The following FGF14 variants were observed in gnomAD, a reference collection of about 807,000 sequenced individuals.
FGF14 encodes the protein fibroblast growth factor 14.
Under a neutral mutation model 25.5 loss-of-function variants are expected in FGF14, and 5 were observed. The ratio of observed to expected loss-of-function variants is 0.20; its 90% CI spans 0.10 to 0.41. The LOEUF is 0.41. FGF14 is among the 10% of genes least tolerant of loss of function. The pLI, the probability that FGF14 is intolerant of heterozygous loss-of-function variation, is 1.00. For missense variants in FGF14, 222 were observed against 320.1 expected, an observed-to-expected ratio of 0.69 and a Z score of 2.34; for synonymous variants, 138 against 118.3, an observed-to-expected ratio of 1.17 and a Z score of -1.08.
At chr13:101,763,979 T>C (rs990435836) in intron 3 of FGF14, among the ~76,000 whole-genome samples, 2 of 152,116 alleles carry the variant, frequency 1.3e-5, no homozygotes, top group Admixed American at 6.5e-5. Context: ...CCTATATGTA[T>C]GCATTTCCTT....
chr13:102,395,502 A>C (rs1595053194), intron 1 of FGF14: 1 of 152,128 alleles, frequency 6.6e-6, no homozygotes, highest in Non-Finnish European at 1.5e-5. Flanking sequence ...GTTTCAGAGC[A>C]CCCTATCGTG....
At position 101,722,499 on chromosome 13, in the gene FGF14, G is replaced by A. The variant is rs1183304779; in HGVS notation, c.*332C>T. On this transcript the variant is annotated 3_prime_UTR_variant, in exon 5 of 5. Coordinates refer to ENST00000376143, the MANE Select transcript of FGF14 (RefSeq NM_004115.4). ...AAACAGGACTCAAAAAGGATTATGGGTAGCTGTCAGCAGGCAAGGTATCGA... is the reference window on the plus strand; with the variant it reads ...AAACAGGACTCAAAAAGGATTATGGATAGCTGTCAGCAGGCAAGGTATCGA... The A allele has an allele frequency of 2.7e-6, 1 of 374,258 alleles. No homozygotes were observed. The highest frequency in any genetic ancestry group is 5.1e-6 in the Non-Finnish European group (1 of 195,744). The allele number at this position is 374,258 out of a possible 1,614,324, so 23.2% of individuals were successfully genotyped here. A position where few individuals can be genotyped will look rare whatever the true frequency, so the allele number is the denominator to read the frequency against.
At chr13:102,011,087 C>T (rs1055030821) in intron 1 of FGF14, among the ~76,000 whole-genome samples, 2 of 152,132 alleles carry the variant, frequency 1.3e-5, no homozygotes, top group African/African-American at 2.4e-5. Flanking sequence ...GTCCCATCTC[C>T]ATGGGAACAA....
intron 4 of FGF14, among the ~76,000 whole-genome samples, chr13:101,725,186 C>T (rs2035329377): frequency 6.6e-6 from 1 of 151,944 alleles, no homozygotes; most frequent in East Asian, 1.9e-4. Context: ...CTTCTGTGGG[C>T]TTATTTTTTA....
At chr13:101,887,384 G>C (rs968639451) in intron 1 of FGF14, among the ~76,000 whole-genome samples, 5 of 150,664 alleles carry the variant, frequency 3.3e-5, no homozygotes, top group Admixed American at 1.3e-4. Flanking sequence ...ATATATAATG[G>C]AATTTATATA....
At chr13:102,313,824 T>C (rs2055889662) in intron 1 of FGF14, among the ~76,000 whole-genome samples, 1 of 152,152 alleles carries the variant, frequency 6.6e-6, no homozygotes, top group African/African-American at 2.4e-5. Context: ...ACAGTCCAAA[T>C]GGAAAGCAAC....
upstream of FGF14, among the ~76,000 whole-genome samples, chr13:101,919,989 T>C (rs1265720759): frequency 6.6e-6 from 1 of 152,174 alleles, no homozygotes; most frequent in African/African-American, 2.4e-5. Context: ...TTTTAAGGGA[T>C]CTTGGAGAGG....
chr13:102,386,267 G>A (rs1274802053), intron 1 of FGF14, among the ~76,000 whole-genome samples: 1 of 151,554 alleles, frequency 6.6e-6, no homozygotes, highest in Admixed American at 6.6e-5. Context: ...CAAGTGGCTG[G>A]GATTATAGGC....
chr13:102,332,835 T>G (rs1391327426), intron 1 of FGF14, among the ~76,000 whole-genome samples: 1 of 152,178 alleles, frequency 6.6e-6, no homozygotes, highest in Non-Finnish European at 1.5e-5. Context: ...GCATATATAT[T>G]TTAAGCATCA....
intron 1 of FGF14, among the ~76,000 whole-genome samples, chr13:101,976,435 T>C (rs9554835): frequency 0.33 from 50,744 of 152,066 alleles, 9,178 homozygotes; most frequent in East Asian, 0.71. Context: ...ATGGGCTGTG[T>C]GCTCCTATTG....
intron 1 of FGF14, among the ~76,000 whole-genome samples, chr13:102,140,902 A>G (rs2046617885): frequency 6.6e-6 from 1 of 152,260 alleles, no homozygotes; most frequent in Non-Finnish European, 1.5e-5. Context: ...GTATTGTGTT[A>G]CCAAATCCAA....
At chr13:102,208,911 G>A (rs1031435404) in intron 1 of FGF14, among the ~76,000 whole-genome samples, 2 of 152,052 alleles carry the variant, frequency 1.3e-5, no homozygotes, top group East Asian at 3.8e-4. Context: ...TATGAAATAG[G>A]CTCGTTGTAT....
chr13:102,302,374 T>C (rs145210981), intron 1 of FGF14, among the ~76,000 whole-genome samples: 2 of 152,244 alleles, frequency 1.3e-5, no homozygotes, highest in African/African-American at 4.8e-5. Context: ...ATCAGATGTT[T>C]TTCCAGGTTC....
chr13:102,126,905 T>G (rs898621163), intron 1 of FGF14, among the ~76,000 whole-genome samples: 8 of 152,290 alleles, frequency 5.3e-5, no homozygotes, highest in African/African-American at 1.9e-4. Flanking sequence ...TCTGTCTGTA[T>G]AAAATACCTA....
chr13:102,099,125 C>T (rs2044539781), intron 1 of FGF14, among the ~76,000 whole-genome samples: 1 of 152,098 alleles, frequency 6.6e-6, no homozygotes, highest in Non-Finnish European at 1.5e-5. Flanking sequence ...GCTCCCCATC[C>T]CTTCTCAGCT....
At chr13:101,987,087 A>C (rs529668628) in intron 1 of FGF14, among the ~76,000 whole-genome samples, 33 of 152,202 alleles carry the variant, frequency 2.2e-4, no homozygotes, top group African/African-American at 7.7e-4. Flanking sequence ...TTATTGTGTA[A>C]GTCTGCTAAC....
chr13:101,903,167 A>G (rs867436038), intron 1 of FGF14, among the ~76,000 whole-genome samples: 1 of 152,148 alleles, frequency 6.6e-6, no homozygotes, highest in East Asian at 1.9e-4. Flanking sequence ...CAGACTGAAG[A>G]TCTGAAATTC....
chr13:102,301,542 GA>G (rs1464090037), intron 1 of FGF14, among the ~76,000 whole-genome samples: 2 of 152,042 alleles, frequency 1.3e-5, no homozygotes, highest in African/African-American at 2.4e-5. Flanking sequence ...TGACAAAGTG[GA>G]AAAACAGAAA....
rs202103201 is a variant in FGF14 at position 101,870,975 on chromosome 13, AATACATAC to A, written c.305-2155_305-2148del. On this transcript the variant is annotated intron_variant, in intron 2 of 4. Transcript: ENST00000376143. ...TCAAAAATAAATAAATAAATAAATA[AATACATAC>A]ATACATACATACATACATACATAAA... 5.9e-3 allele frequency among the ~76,000 whole-genome samples: 891 copies of A among 150,490 alleles called. 1 individual carries two copies. The highest frequency in any genetic ancestry group is 0.031 in the Middle Eastern group (9 of 294).
Sources: allele counts gnomAD v4.1 joint callset (sites outside exome capture counted in the v4.1 genomes callset), GRCh38; gene constraint gnomAD v4.1.1; transcripts MANE v1.5; gene names NCBI Gene and HGNC (gene_info 2026-07-23, HGNC 2026-07-21).